Variants in TMEM117 observed in about 807,000 individuals in gnomAD.
TMEM117 encodes the protein transmembrane protein 117.
A neutral mutation model predicts 52.4 loss-of-function variants in TMEM117; 27 were observed. That is an observed-to-expected ratio of 0.51 (90% CI 0.38 to 0.71). The LOEUF is 0.71. TMEM117 is among the 30% of genes least tolerant of loss of function. The pLI is 0.00. For synonymous variants in TMEM117, 215 were observed against 206.3 expected, an observed-to-expected ratio of 1.04 and a Z score of -0.36; for missense variants, 556 against 630.5, an observed-to-expected ratio of 0.88 and a Z score of 1.26.
chr12:44,094,879 C>G (rs1947731731), intron 3 of TMEM117, among the ~76,000 whole-genome samples: 1 of 152,068 alleles, frequency 6.6e-6, no homozygotes, highest in African/African-American at 2.4e-5. Context: ...TTGTTAGACA[C>G]TTTTTCTAAT....
At chr12:44,075,498 T>G (rs1005681345) in intron 3 of TMEM117, among the ~76,000 whole-genome samples, 1 of 152,322 alleles carries the variant, frequency 6.6e-6, no homozygotes, top group South Asian at 2.1e-4. Flanking sequence ...CCTTTTTCAC[T>G]TGGTCTCAAA....
chr12:44,136,772 G>T (rs1001462483), intron 3 of TMEM117, among the ~76,000 whole-genome samples: 1 of 152,078 alleles, frequency 6.6e-6, no homozygotes, highest in East Asian at 1.9e-4. Context: ...ATGTGTTGCA[G>T]AAAGTCAAAG....
intron 3 of TMEM117, among the ~76,000 whole-genome samples, chr12:43,976,659 T>C (rs1945676233): frequency 6.6e-6 from 1 of 152,170 alleles, no homozygotes; most frequent in African/African-American, 2.4e-5. Context: ...TCCCTGAAGC[T>C]TTGCAAAACC....
intron 6 of TMEM117, among the ~76,000 whole-genome samples, chr12:44,327,333 A>G (rs1431018561): frequency 6.6e-6 from 1 of 152,196 alleles, no homozygotes; most frequent in Non-Finnish European, 1.5e-5. Flanking sequence ...GATAAATAAA[A>G]GGAAAAGAAT....
intron 1 of TMEM117, among the ~76,000 whole-genome samples, chr12:43,839,347 T>A (rs1346747796): frequency 6.6e-6 from 1 of 152,156 alleles, no homozygotes; most frequent in African/African-American, 2.4e-5. Context: ...CAAGGCCTGC[T>A]CATGATCAGA....
At chr12:43,847,929 C>T (rs566862068) in intron 2 of TMEM117, among the ~76,000 whole-genome samples, 5 of 152,132 alleles carry the variant, frequency 3.3e-5, no homozygotes, top group African/African-American at 9.6e-5. Flanking sequence ...ACAGCTGGGC[C>T]GCCAGGGGTG....
At chr12:43,994,115 G>T (rs1166544004) in intron 3 of TMEM117, among the ~76,000 whole-genome samples, 1 of 152,180 alleles carries the variant, frequency 6.6e-6, no homozygotes, top group Non-Finnish European at 1.5e-5. Flanking sequence ...TCCATGGAAG[G>T]CCTATAAATG....
intron 2 of TMEM117, among the ~76,000 whole-genome samples, chr12:43,885,688 G>A (rs532149100): frequency 6.6e-6 from 1 of 151,744 alleles, no homozygotes; most frequent in African/African-American, 2.4e-5. Flanking sequence ...AAATAAAAAA[G>A]CTTTAACCTT....
chr12:44,042,563 G>A (rs996862941), intron 3 of TMEM117, among the ~76,000 whole-genome samples: 1 of 152,016 alleles, frequency 6.6e-6, no homozygotes, highest in African/African-American at 2.4e-5. Context: ...GAATATAAAA[G>A]AGGCAGAAAA....
intron 6 of TMEM117, among the ~76,000 whole-genome samples, chr12:44,340,954 C>A (rs1393913890): frequency 6.6e-6 from 1 of 152,052 alleles, no homozygotes; most frequent in African/African-American, 2.4e-5. Context: ...CCTCCCATCT[C>A]TCACCCTTCC....
At chr12:44,232,359 A>C (rs1450928571) in intron 5 of TMEM117, among the ~76,000 whole-genome samples, 1 of 151,426 alleles carries the variant, frequency 6.6e-6, no homozygotes, top group Non-Finnish European at 1.5e-5. Flanking sequence ...ACAACCATTT[A>C]TGGAAAAGTT....
intron 3 of TMEM117, among the ~76,000 whole-genome samples, chr12:44,007,020 A>C (rs1565789580): frequency 6.6e-6 from 1 of 152,184 alleles, no homozygotes; most frequent in Non-Finnish European, 1.5e-5. Flanking sequence ...TGCAGTATAC[A>C]TTTACAAGTA....
intron 5 of TMEM117, among the ~76,000 whole-genome samples, chr12:44,260,296 A>AT (rs779932837): frequency 6.6e-5 from 10 of 152,164 alleles, no homozygotes; most frequent in Non-Finnish European, 1.2e-4. Flanking sequence ...CTCACTTGTG[A>AT]TTTTTTGACT....
intron 3 of TMEM117, among the ~76,000 whole-genome samples, chr12:43,997,456 G>A (rs1415358082): frequency 3.9e-5 from 6 of 151,976 alleles, no homozygotes; most frequent in Non-Finnish European, 5.9e-5. Flanking sequence ...TATATACCCT[G>A]TCCATCAAGT....
chr12:44,010,520 C>T (rs182047806), intron 3 of TMEM117, among the ~76,000 whole-genome samples: 57 of 151,242 alleles, frequency 3.8e-4, no homozygotes, highest in East Asian at 9.6e-4. Context: ...CACTATTCCT[C>T]GGTCGACGTC....
At chr12:44,141,225 A>AT (rs1233504964) in intron 3 of TMEM117, among the ~76,000 whole-genome samples, 1 of 152,064 alleles carries the variant, frequency 6.6e-6, no homozygotes, top group African/African-American at 2.4e-5. Flanking sequence ...AATTTGTGAC[A>AT]TTTTTTGCAT....
At chr12:43,915,655 G>C (rs1944589014) in intron 2 of TMEM117, among the ~76,000 whole-genome samples, 1 of 151,830 alleles carries the variant, frequency 6.6e-6, no homozygotes, top group Non-Finnish European at 1.5e-5. Flanking sequence ...GCTCAGGCGA[G>C]ACCTAGGAGA....
At chr12:43,890,028 T>C (rs111389789) in intron 2 of TMEM117, among the ~76,000 whole-genome samples, 100 of 152,204 alleles carry the variant, frequency 6.6e-4, no homozygotes, top group Non-Finnish European at 1.2e-3. Flanking sequence ...TTTTATACAG[T>C]TGAGAGTTGA....
intron 4 of TMEM117, among the ~76,000 whole-genome samples, chr12:44,179,486 C>G (rs1033596514): frequency 1.3e-5 from 2 of 152,172 alleles, no homozygotes; most frequent in African/African-American, 4.8e-5. Flanking sequence ...AGTCTGATGT[C>G]GAAGACCAGG....
Sources: gnomAD v4.1 joint callset for allele counts (sites outside exome capture counted in the v4.1 genomes callset) on GRCh38, gnomAD v4.1.1 for gene constraint, MANE v1.5 for transcripts, NCBI Gene and HGNC (gene_info 2026-07-23, HGNC 2026-07-21) for gene names.